The following DNAJC14 variants were observed in gnomAD, a reference collection of about 807,000 sequenced individuals.
The protein encoded by DNAJC14 is dnaJ homolog subfamily C member 14.
A neutral mutation model predicts 68.8 loss-of-function variants in DNAJC14; 12 were observed. The ratio of observed to expected loss-of-function variants is 0.17; its 90% CI spans 0.11 to 0.28. The LOEUF (loss-of-function observed/expected upper bound fraction) is 0.28, where lower values mean the gene tolerates loss of function less well. DNAJC14 is among the 10% of genes least tolerant of loss of function. The pLI is 1.00. For synonymous variants in DNAJC14, 350 were observed against 321.5 expected (o/e 1.09, Z -0.95); for missense variants, 764 against 875.6 (o/e 0.87, Z 1.61).
chr12:55,829,197 A>C (rs978997906), intron 1 of DNAJC14: 8 of 984,258 alleles, frequency 8.1e-6, no homozygotes, highest in Non-Finnish European at 8.4e-6. Flanking sequence ...CTGTAATCCC[A>C]GCACTTTGGG....
rs769499414 is a variant in DNAJC14 at position 55,822,677 on chromosome 12, T to C, written c.1690A>G (p.Arg564Gly). The C allele has an allele frequency of 1.8e-5, 29 of 1,614,046 alleles. No homozygotes were observed. The highest frequency in any genetic ancestry group is 2.4e-5 in the Non-Finnish European group (28 of 1,180,032). ...KSARYCAECN[R>G]LHPAEEGDFW... ...TCTCCTTCCTCAGCAGGATGCAGCC[T>C]ATTACACTCAGCACAGTATCTGGCA... Residue 564 changes from arginine (R) to glycine (G), a missense_variant, in exon 5 of 7, where the codon AGG becomes GGG. Transcript: ENST00000678005.
Position 55,823,168 on chromosome 12 carries a change from C to T in DNAJC14, c.1536G>A (p.Glu512=). Residue 512 remains glutamate (E), a synonymous_variant, in exon 4 of 7, where the codon GAG becomes GAA. Coordinates refer to ENST00000678005, the MANE Select transcript of DNAJC14 (RefSeq NM_032364.6). ...EYEMKRMAEN[E]LSRSVNEFLS... is the part of the protein sequence containing the mutation. The stretch of plus-strand genomic sequence containing the variant: ...GAAACTCATTTACTGACCGGCTCAG[C>T]TCATTCTCTGCCATTCGTTTCCTAA... 2 of 1,614,176 alleles carry T rather than the reference C, an allele frequency of 1.2e-6. No homozygotes were observed. Among genetic ancestry groups the T allele is most frequent in the South Asian group, 1.1e-5 (1 of 91,092 alleles).
At chr12:55,823,337 AGATGCCTC>A in intron 3 of DNAJC14, 57 bp downstream of exon 3, 1 of 1,601,708 alleles carries the variant, frequency 6.2e-7, no homozygotes, top group Non-Finnish European at 8.5e-7. Context: ...CCCCAAGTCC[AGATGCCTC>A]TGCTATTGAG....
chr12:55,826,871 C>T (rs1262827356), intron 2 of DNAJC14, among the ~76,000 whole-genome samples: 2 of 151,568 alleles, frequency 1.3e-5, no homozygotes, highest in East Asian at 3.9e-4. Flanking sequence ...CCCTTTATTC[C>T]ACTCTCCCTA....
chr12:55,828,616 G>A lies in DNAJC14; in HGVS notation c.43C>T (p.His15Tyr). 1.2e-6 allele frequency: 2 copies of A among 1,614,074 alleles called. No homozygotes were observed. Among genetic ancestry groups the A allele is most frequent in the Non-Finnish European group, 1.7e-6 (2 of 1,179,994 alleles). The change falls in exon 2 of 7, where the codon CAC becomes TAC. Residue 15 changes from histidine (H) to tyrosine (Y), a missense_variant. Transcript: ENST00000678005. Reference protein sequence around the residue: ...HPGERGLYGAHHSGGASLRTL... With the variant: ...HPGERGLYGAYHSGGASLRTL... ...CTGAGGGAGGCACCACCACTGTGGT[G>A]GGCTCCATACAACCCTCTTTCTCCG...
intron 2 of DNAJC14, among the ~76,000 whole-genome samples, chr12:55,826,956 G>A (rs1055838487): frequency 6.6e-6 from 1 of 152,090 alleles, no homozygotes; most frequent in African/African-American, 2.4e-5. Context: ...TTGGGAGGCT[G>A]AGGTGGGTGA....
intron 4 of DNAJC14, 112 bp from the exon 5 acceptor site, chr12:55,822,844 C>G: frequency 6.9e-7 from 1 of 1,443,418 alleles, no homozygotes; most frequent in African/African-American, 1.4e-5. Flanking sequence ...AATTACCCCA[C>G]TTAGTATTTC....
intron 2 of DNAJC14, 62 bp downstream of exon 2, chr12:55,827,190 C>CAAAA (rs67133580): frequency 9.5e-6 from 11 of 1,158,224 alleles, no homozygotes; most frequent in Admixed American, 3.3e-5. Flanking sequence ...GACTACATCT[C>CAAAA]AAAAAAAAAA....
rs138136142 is a variant in DNAJC14 at position 55,827,421 on chromosome 12, T to G, written c.1238A>C (p.Asn413Thr). Residue 413 changes from asparagine to threonine, a missense_variant, in exon 2 of 7, where the codon AAT becomes ACT. Physicochemically the swap from Asn to Thr is moderately conservative, Grantham distance 65 (BLOSUM62 0). Transcript: ENST00000678005. Reference sequence around the variant, plus strand: ...GTAGCGCCCACTAGCTACAGGTGCATTCCCCTGCCTATTAATATTCTGCTT... The same window carrying G: ...GTAGCGCCCACTAGCTACAGGTGCAGTCCCCTGCCTATTAATATTCTGCTT... Reference protein sequence around the residue: ...WVKQNINRQGNAPVASGRYCQ... With the variant: ...WVKQNINRQGTAPVASGRYCQ... 1 of 1,611,938 alleles carries G rather than the reference T, an allele frequency of 6.2e-7. No individual in the cohort carries two copies. Among genetic ancestry groups the G allele is most frequent in the Non-Finnish European group, 8.5e-7 (1 of 1,178,788 alleles).
rs1202727155 is a variant in DNAJC14, at chr12:55,827,246, A to G, written c.1407+6T>C. 1.4e-6 allele frequency: 2 copies of G among 1,464,912 alleles called. No homozygotes were observed. The highest frequency in any genetic ancestry group is 4.8e-5 in the Admixed American group (2 of 41,640). 90.7% of individuals were successfully genotyped at this position (1,464,912 alleles called of 1,614,324 possible). A position where few individuals can be genotyped will look rare whatever the true frequency, so the allele number is the denominator to read the frequency against. ...AGAGAGAAACAGGAAACAGAAGGGTACTCACCATCACTGCCAGCTGTCTAT... is the reference window on the plus strand; with the variant it reads ...AGAGAGAAACAGGAAACAGAAGGGTGCTCACCATCACTGCCAGCTGTCTAT... On this transcript the variant is annotated splice_donor_region_variant and intron_variant, in intron 2 of 6. Transcript: ENST00000678005.
intron 1 of DNAJC14, 119 bp downstream of exon 1, chr12:55,829,370 G>T: frequency 1.0e-6 from 1 of 974,972 alleles, no homozygotes; most frequent in Non-Finnish European, 1.2e-6. Context: ...GCTTGAACCC[G>T]GGAGGTGGAG....
chr12:55,822,313 A>C, intron 6 of DNAJC14, 60 bp downstream of exon 6: 1 of 1,576,540 alleles, frequency 6.3e-7, no homozygotes, highest in South Asian at 1.2e-5. Flanking sequence ...AAAGCAGGTC[A>C]TCTGAAACCG....
chr12:55,827,305 C>T lies in DNAJC14; in HGVS notation c.1354G>A (p.Ala452Thr). The change falls in exon 2 of 7, where the codon GCC becomes ACC. Residue 452 changes from alanine to threonine, a missense_variant. Physicochemically the swap from Ala to Thr is moderately conservative, Grantham distance 58. Transcript: ENST00000678005. ...LNPFHVLGVE[A>T]TASDVELKKA... ...TTCAGTTCAACATCTGATGCTGTGGCCTCAACCCCCAGTACATGGAAAGGG... is the reference window on the plus strand; with the variant it reads ...TTCAGTTCAACATCTGATGCTGTGGTCTCAACCCCCAGTACATGGAAAGGG... The T allele has an allele frequency of 1.3e-6, 2 of 1,591,214 alleles. No homozygotes were observed. Among genetic ancestry groups the T allele is most frequent in the Non-Finnish European group, 1.7e-6 (2 of 1,167,880 alleles).
chr12:55,829,126 T>TAACAGGG, intron 1 of DNAJC14: 1 of 987,424 alleles, frequency 1.0e-6, no homozygotes, highest in Non-Finnish European at 1.2e-6. Flanking sequence ...TAAGAAAGAC[T>TAACAGGG]AACAGGGAAC....
intron 2 of DNAJC14, among the ~76,000 whole-genome samples, chr12:55,825,380 C>A (rs1880766000): frequency 6.6e-6 from 1 of 151,994 alleles, no homozygotes; most frequent in Non-Finnish European, 1.5e-5. Context: ...ATTTACACAC[C>A]TTACTTATAT....
In DNAJC14 at chr12:55,821,813, C is replaced by T; in HGVS notation, c.*164G>A. ...CAGAGGTTGCAGTAAGCTGAGATCA[C>T]ACCACTGCACTCCAGCTGGGCAACA... On this transcript the variant is annotated 3_prime_UTR_variant, in exon 7 of 7. Coordinates refer to ENST00000678005, the MANE Select transcript of DNAJC14 (RefSeq NM_032364.6). The T allele has an allele frequency of 1.5e-6, 1 of 675,456 alleles. No homozygotes were observed. Among genetic ancestry groups the T allele is most frequent in the Non-Finnish European group, 2.3e-6 (1 of 440,188 alleles). The allele number at this position is 675,456 out of a possible 1,614,324, so 41.8% of individuals were successfully genotyped here.
Position 55,828,644 on chromosome 12 carries a change from G to A in DNAJC14, c.15C>T (p.His5=), listed in dbSNP as rs909362092. MAQK[H]PGERGLYGAH... ...CTCCATACAACCCTCTTTCTCCGGG[G>A]TGCTTCTGGGCCATGACCCCGGGGC... The change falls in exon 2 of 7, where the codon CAC becomes CAT. Residue 5 remains histidine (H), a synonymous_variant. Coordinates refer to ENST00000678005, the MANE Select transcript of DNAJC14 (RefSeq NM_032364.6). 3.1e-6 allele frequency: 5 copies of A among 1,613,132 alleles called. No individual in the cohort carries two copies. In the South Asian group the frequency reaches 3.3e-5, roughly 11 times the overall value.
intron 2 of DNAJC14, 137 bp from the exon 3 acceptor site, chr12:55,823,645 T>C: frequency 1.5e-6 from 1 of 669,268 alleles, no homozygotes; most frequent in Non-Finnish European, 2.6e-6. Context: ...GCTCTGACTC[T>C]GCAGATCTGG....
chr12:55,826,253 T>C (rs1026683665), intron 2 of DNAJC14, among the ~76,000 whole-genome samples: 1 of 149,414 alleles, frequency 6.7e-6, no homozygotes, highest in African/African-American at 2.5e-5. Flanking sequence ...TCAGATCCCA[T>C]AGTGGAGGGG....
Sources: allele counts gnomAD v4.1 joint callset (sites outside exome capture counted in the v4.1 genomes callset), GRCh38; gene constraint gnomAD v4.1.1; transcripts MANE v1.5; gene names NCBI Gene and HGNC (gene_info 2026-07-23, HGNC 2026-07-21).